Variants in FSIP2 observed in about 807,000 individuals in gnomAD.
The protein encoded by FSIP2 is fibrous sheath interacting protein 2.
A neutral mutation model predicts 510.5 loss-of-function variants in FSIP2; 367 were observed. The ratio of observed to expected loss-of-function variants is 0.72; its 90% CI spans 0.66 to 0.78. The LOEUF is 0.78. Ranked by LOEUF, FSIP2 falls within the 30% of genes least tolerant of loss-of-function variation. FSIP2 has a pLI of 0.00. For missense variants in FSIP2, 7,594 were observed against 7,901.7 expected, an observed-to-expected ratio of 0.96 and a Z score of 1.48; for synonymous variants, 2,601 against 2,732.2, an observed-to-expected ratio of 0.95 and a Z score of 1.50.
At chr2:185,777,630 A>G (rs1440528662) in intron 13 of FSIP2, among the ~76,000 whole-genome samples, 1 of 152,156 alleles carries the variant, frequency 6.6e-6, no homozygotes, top group African/African-American at 2.4e-5. Context: ...TTGACTTTTT[A>G]AAATATAATT....
chr2:185,808,073 T>C lies in FSIP2; in HGVS notation c.18767T>C (p.Ile6256Thr), dbSNP rs752922307. 6 of 1,608,532 alleles carry C rather than the reference T, an allele frequency of 3.7e-6. No individual in the cohort carries two copies. Among genetic ancestry groups the C allele is most frequent in the Non-Finnish European group, 5.1e-6 (6 of 1,178,156 alleles). Residue 6256 changes from isoleucine to threonine, a missense_variant, in exon 17 of 23, where the codon ATT becomes ACT. Physicochemically the swap from Ile to Thr is moderately conservative, Grantham distance 89. Transcript: ENST00000424728. Reference sequence around the variant, plus strand: ...ACTATTGAAAACATAGTTAATTCTATTTATACCAGTGTTTTAAAGCACTCT... The same window carrying C: ...ACTATTGAAAACATAGTTAATTCTACTTATACCAGTGTTTTAAAGCACTCT... ...NATIENIVNS[I>T]YTSVLKHSGS...
chr2:185,798,984 T>C (rs1693361999), intron 16 of FSIP2, among the ~76,000 whole-genome samples: 2 of 151,862 alleles, frequency 1.3e-5, no homozygotes, highest in South Asian at 4.2e-4. Context: ...TGATAACACA[T>C]GAAGATATAT....
At chr2:185,821,734 G>A (rs1030538495) in intron 19 of FSIP2, among the ~76,000 whole-genome samples, 1 of 151,518 alleles carries the variant, frequency 6.6e-6, no homozygotes, top group Non-Finnish European at 1.5e-5. Flanking sequence ...GACCAGCCTG[G>A]GCAACATGGC....
intron 19 of FSIP2, among the ~76,000 whole-genome samples, chr2:185,819,979 C>A (rs758945417): frequency 5.3e-5 from 8 of 151,828 alleles, no homozygotes; most frequent in Non-Finnish European, 1.2e-4. Flanking sequence ...AACAGCTCTA[C>A]AATAATAGTA....
intron 21 of FSIP2, among the ~76,000 whole-genome samples, chr2:185,829,472 G>C (rs896570454): frequency 2.6e-5 from 4 of 151,864 alleles, no homozygotes; most frequent in African/African-American, 9.7e-5. Flanking sequence ...TCAAATCCTG[G>C]CATTACATAG....
At chr2:185,773,908 T>G (rs1448913466) in intron 13 of FSIP2, among the ~76,000 whole-genome samples, 1 of 152,216 alleles carries the variant, frequency 6.6e-6, no homozygotes, top group Non-Finnish European at 1.5e-5. Flanking sequence ...TTTAACAAGT[T>G]TATGTATGAT....
chr2:185,744,475 T>G, intron 4 of FSIP2, 64 bp downstream of exon 4: 1 of 326,002 alleles, frequency 3.1e-6, no homozygotes, highest in East Asian at 5.0e-5. Flanking sequence ...TGATTATATG[T>G]AGAGTGTTCT....
At chr2:185,748,946 G>A (rs1224892561) in intron 7 of FSIP2, among the ~76,000 whole-genome samples, 1 of 151,942 alleles carries the variant, frequency 6.6e-6, no homozygotes. Context: ...TGCAAATTAT[G>A]TCTTATCATA....
At position 185,806,024 on chromosome 2, in the gene FSIP2, C is replaced by T; in HGVS notation, c.16718C>T (p.Thr5573Ile). Residue 5573 changes from threonine (T) to isoleucine (I), a missense_variant, in exon 17 of 23, where the codon ACA becomes ATA. Physicochemically the swap from Thr to Ile is moderately conservative, Grantham distance 89. Transcript: ENST00000424728. The part of the protein sequence containing the change: ...EIEKKRNLIP[T>I]DKKGKDDEIY... ...GAGAAGAAAAGAAATTTAATTCCAA[C>T]AGATAAAAAAGGGAAAGATGATGAG... The T allele has an allele frequency of 6.4e-7, 1 of 1,552,154 alleles. No homozygotes were observed. The highest frequency in any genetic ancestry group is 8.7e-7 in the Non-Finnish European group (1 of 1,148,170).
intron 5 of FSIP2, among the ~76,000 whole-genome samples, chr2:185,746,233 T>G (rs1189284250): frequency 1.3e-5 from 2 of 152,120 alleles, no homozygotes; most frequent in African/African-American, 4.8e-5. Flanking sequence ...GTTCAAGGAC[T>G]TGTAAATTAC....
Position 185,827,515 on chromosome 2 carries a change from T to C in FSIP2, c.20474-641T>C, listed in dbSNP as rs533376742. Reference sequence around the variant, plus strand: ...ACAGGGTTTCTGCCTTCTTAGCAGATTAGCTGCTTCCCTTGCAGTGGGTTC... The same window carrying C: ...ACAGGGTTTCTGCCTTCTTAGCAGACTAGCTGCTTCCCTTGCAGTGGGTTC... On this transcript the variant is annotated intron_variant, in intron 20 of 22. Transcript: ENST00000424728. 2.6e-5 allele frequency among the ~76,000 whole-genome samples: 4 copies of C among 152,028 alleles called. No homozygotes were observed. In the South Asian group the frequency reaches 8.3e-4, roughly 31 times the overall value.
intron 17 of FSIP2, 105 bp downstream of exon 17, chr2:185,809,238 G>A: frequency 1.6e-6 from 2 of 1,263,804 alleles, no homozygotes; most frequent in South Asian, 1.9e-5. Flanking sequence ...ATTGTTGTTG[G>A]TGTTTCTCAG....
At chr2:185,755,658 A>C (rs1171095279) in intron 8 of FSIP2, among the ~76,000 whole-genome samples, 1 of 151,566 alleles carries the variant, frequency 6.6e-6, no homozygotes, top group Non-Finnish European at 1.5e-5. Context: ...CTGCTCAGTG[A>C]TCAGTGAATG....
rs150044876 is a variant in FSIP2, at chr2:185,821,313, C to T, written c.20427-3121C>T. 6.5e-3 allele frequency among the ~76,000 whole-genome samples: 986 copies of T among 151,886 alleles called. 7 individuals are homozygous for T. Among genetic ancestry groups the T allele is most frequent in the Admixed American group, 9.8e-3 (149 of 15,218 alleles). On this transcript the variant is annotated intron_variant, in intron 19 of 22. Coordinates refer to ENST00000424728, the MANE Select transcript of FSIP2 (RefSeq NM_173651.4). ...ATTGAACCAATAACTGAAAAACCTC[C>T]TAACAAATAAAAGCTTATGACCAGA...
At position 185,749,194 on chromosome 2, in the gene FSIP2, G is replaced by GT. The variant is rs1692095628; in HGVS notation, c.870+1778dup. On this transcript the variant is annotated intron_variant, in intron 7 of 22. Transcript: ENST00000424728. ...AATTTCTACCAAAACGTCTTGCTGAGTTTTTTTAATTGGATTTGCATTAAC... is the reference window on the plus strand; with the variant it reads ...AATTTCTACCAAAACGTCTTGCTGAGTTTTTTTTAATTGGATTTGCATTAAC... Among the ~76,000 whole-genome samples the GT allele has an allele frequency of 2.6e-5, 4 of 151,262 alleles. No homozygotes were observed. In the South Asian group the frequency reaches 8.3e-4, roughly 31 times the overall value.
chr2:185,813,429 G>T, intron 17 of FSIP2, 116 bp from the exon 18 acceptor site: 1 of 522,978 alleles, frequency 1.9e-6, no homozygotes, highest in Non-Finnish European at 3.2e-6. Context: ...AGTGATATTT[G>T]AAGATATTAC....
chr2:185,810,869 C>T (rs1033607921), intron 17 of FSIP2, among the ~76,000 whole-genome samples: 13 of 151,980 alleles, frequency 8.6e-5, no homozygotes, highest in Non-Finnish European at 1.6e-4. Flanking sequence ...CTATGAAGGC[C>T]AGGCTGATGA....
In FSIP2 at chr2:185,769,077, A is replaced by C. The variant is rs79696571; in HGVS notation, c.1411+4512A>C. 1.3e-3 allele frequency among the ~76,000 whole-genome samples: 205 copies of C among 152,238 alleles called. 1 individual carries two copies. Among genetic ancestry groups the C allele is most frequent in the African/African-American group, 4.6e-3 (192 of 41,542 alleles). ...TTCCATGTCTTTGCTATTGTGAGTA[A>C]TGTGCTGCAATGAACATACACATGC... On this transcript the variant is annotated intron_variant, in intron 13 of 22. Coordinates refer to ENST00000424728, the MANE Select transcript of FSIP2 (RefSeq NM_173651.4).
rs1213530781 is a variant in FSIP2 at position 185,804,363 on chromosome 2, A to C, written c.15057A>C (p.Glu5019Asp). 1.3e-6 allele frequency: 2 copies of C among 1,500,768 alleles called. No individual in the cohort carries two copies. The highest frequency in any genetic ancestry group is 1.8e-6 in the Non-Finnish European group (2 of 1,132,362). 93.0% of individuals were successfully genotyped at this position (1,500,768 alleles called of 1,614,324 possible). ...TGTGTTTCTCAGAAAGATACAAAGA[A>C]ATGGTTCAAAAAATAGTCAACTCAG... ...KNLCFSERYKEMVQKIVNSVY... is the reference protein window; with the variant it reads ...KNLCFSERYKDMVQKIVNSVY... Residue 5019 changes from glutamate (E) to aspartate (D), a missense_variant, in exon 17 of 23, where the codon GAA becomes GAC. Transcript: ENST00000424728.
Sources: gnomAD v4.1 joint callset for allele counts (sites outside exome capture counted in the v4.1 genomes callset) on GRCh38, gnomAD v4.1.1 for gene constraint, MANE v1.5 for transcripts, NCBI Gene and HGNC (gene_info 2026-07-23, HGNC 2026-07-21) for gene names.